Variants in GPR39 observed in about 807,000 individuals in gnomAD.
GPR39 encodes G protein-coupled receptor 39, also known as zinc sensing receptor.
In GPR39, 23 loss-of-function variants were observed where a neutral mutation model predicts 18.4. The ratio of observed to expected loss-of-function variants is 1.25; its 90% confidence interval spans 0.90 to 1.77. GPR39 has a LOEUF of 1.77. GPR39 is among the 40% of genes most tolerant of loss of function. The pLI is 0.00. For missense variants in GPR39, 647 were observed against 602.4 expected (o/e 1.07, Z -0.78); for synonymous variants, 280 against 257.9 (o/e 1.09, Z -0.82).
chr2:132,583,134 C>T (rs1573680682), intron 1 of GPR39, among the ~76,000 whole-genome samples: 1 of 151,868 alleles, frequency 6.6e-6, no homozygotes, highest in African/African-American at 2.4e-5. Context: ...GCTGGTCTCA[C>T]ACTCCTGACC....
intron 1 of GPR39, among the ~76,000 whole-genome samples, chr2:132,499,944 CTT>C (rs1241712673): frequency 1.3e-5 from 2 of 152,156 alleles, no homozygotes; most frequent in Non-Finnish European, 2.9e-5. Flanking sequence ...TATCCTGAAA[CTT>C]TGCTGAACTC....
intron 1 of GPR39, among the ~76,000 whole-genome samples, chr2:132,436,373 A>C (rs894813278): frequency 3.9e-5 from 6 of 152,216 alleles, no homozygotes; most frequent in African/African-American, 9.6e-5. Flanking sequence ...CTGTGAAGTA[A>C]ACAGTTGATT....
intron 1 of GPR39, among the ~76,000 whole-genome samples, chr2:132,572,487 G>T (rs1409545935): frequency 6.7e-6 from 1 of 149,992 alleles, no homozygotes; most frequent in Non-Finnish European, 1.5e-5. Context: ...CAGGTTAGTT[G>T]TTTCTCCTGA....
chr2:132,502,801 A>T (rs930728425), intron 1 of GPR39, among the ~76,000 whole-genome samples: 2 of 152,180 alleles, frequency 1.3e-5, no homozygotes, highest in African/African-American at 4.8e-5. Context: ...CATTGGGTTA[A>T]TTCAAAAGCC....
At chr2:132,451,707 T>A (rs12373595) in intron 1 of GPR39, among the ~76,000 whole-genome samples, 79,177 of 152,036 alleles carry the variant, frequency 0.52, 21,991 homozygotes, top group Non-Finnish European at 0.62. Flanking sequence ...TTAAATAAAT[T>A]TATTTACCAG....
intron 1 of GPR39, among the ~76,000 whole-genome samples, chr2:132,525,434 T>C (rs541087739): frequency 6.6e-6 from 1 of 152,342 alleles, no homozygotes; most frequent in South Asian, 2.1e-4. Context: ...CATTTATGTT[T>C]GCTAATGCTC....
At chr2:132,496,129 G>A (rs1681637738) in intron 1 of GPR39, among the ~76,000 whole-genome samples, 1 of 152,156 alleles carries the variant, frequency 6.6e-6, no homozygotes, top group Non-Finnish European at 1.5e-5. Context: ...TGGGCTGCAG[G>A]AGCAATATAA....
chr2:132,533,699 A>G (rs1223550573), intron 1 of GPR39, among the ~76,000 whole-genome samples: 1 of 152,210 alleles, frequency 6.6e-6, no homozygotes, highest in Non-Finnish European at 1.5e-5. Flanking sequence ...CTGCATATCT[A>G]CAACTATCTG....
intron 1 of GPR39, among the ~76,000 whole-genome samples, chr2:132,502,184 T>C (rs1679051137): frequency 6.6e-6 from 1 of 152,210 alleles, no homozygotes; most frequent in Admixed American, 6.5e-5. Flanking sequence ...GTGAGAATTA[T>C]GCTTTAAGAA....
At chr2:132,435,895 A>T (rs1189790087) in intron 1 of GPR39, among the ~76,000 whole-genome samples, 1 of 152,176 alleles carries the variant, frequency 6.6e-6, no homozygotes, top group East Asian at 1.9e-4. Flanking sequence ...AGATGCATGG[A>T]CATTTGCTTT....
intron 1 of GPR39, among the ~76,000 whole-genome samples, chr2:132,562,177 A>G (rs893728773): frequency 2.0e-5 from 3 of 151,998 alleles, no homozygotes; most frequent in Admixed American, 2.0e-4. Flanking sequence ...AAGGCTCTCC[A>G]TATGATTCCA....
At position 132,528,190 on chromosome 2, in the gene GPR39, C is replaced by G. The variant is rs894956133; in HGVS notation, c.856+110292C>G. 1.1e-4 allele frequency among the ~76,000 whole-genome samples: 17 copies of G among 152,246 alleles called. 1 individual carries two copies. The highest frequency in any genetic ancestry group is 7.8e-4 in the Admixed American group (12 of 15,300). ...AGTACCACTTATTAAATGGGGAATC[C>G]TTTCTCCATTGCTTGTTTTTGTCAG... On this transcript the variant is annotated intron_variant, in intron 1 of 1. Coordinates refer to ENST00000329321, the MANE Select transcript of GPR39 (RefSeq NM_001508.3).
intron 1 of GPR39, among the ~76,000 whole-genome samples, chr2:132,523,095 A>C (rs1202574289): frequency 1.3e-5 from 2 of 152,238 alleles, no homozygotes; most frequent in Non-Finnish European, 2.9e-5. Context: ...TGTAAAATGC[A>C]AATGTCTGTA....
intron 1 of GPR39, among the ~76,000 whole-genome samples, chr2:132,606,992 T>C (rs1242999584): frequency 3.3e-5 from 5 of 152,218 alleles, no homozygotes. Context: ...GATAGTTGGG[T>C]GTTATCTCAC....
At chr2:132,590,586 C>T (rs1464447089) in intron 1 of GPR39, among the ~76,000 whole-genome samples, 2 of 151,988 alleles carry the variant, frequency 1.3e-5, no homozygotes, top group African/African-American at 4.8e-5. Flanking sequence ...AGGGTAGGCA[C>T]TGAGTTTGGG....
In GPR39 at chr2:132,538,236, T is replaced by TTTG. The variant is rs917474278; in HGVS notation, c.857-106846_857-106844dup. On this transcript the variant is annotated intron_variant, in intron 1 of 1. Transcript: ENST00000329321. ...GACCTTTAGATGAGGTTTTTGTATTTTTGTTGTTGTTGTTGTTGTTGATGT... is the reference window on the plus strand; with the variant it reads ...GACCTTTAGATGAGGTTTTTGTATTTTTGTTGTTGTTGTTGTTGTTGTTGATGT... Among the ~76,000 whole-genome samples, 43 of 152,140 alleles carry TTTG rather than the reference T, an allele frequency of 2.8e-4. No homozygotes were observed. In the East Asian group the frequency reaches 3.3e-3, roughly 12 times the overall value.
chr2:132,618,920 C>G (rs1681385521), intron 1 of GPR39, among the ~76,000 whole-genome samples: 1 of 152,186 alleles, frequency 6.6e-6, no homozygotes, highest in African/African-American at 2.4e-5. Flanking sequence ...GGGCCTTGCC[C>G]TTTTGTGTTT....
intron 1 of GPR39, among the ~76,000 whole-genome samples, chr2:132,622,735 G>A (rs1456781968): frequency 6.6e-6 from 1 of 152,214 alleles, no homozygotes; most frequent in Non-Finnish European, 1.5e-5. Flanking sequence ...GAATACTTAA[G>A]TTAAAATAAG....
chr2:132,643,482 G>C (rs1681905482), intron 1 of GPR39, among the ~76,000 whole-genome samples: 1 of 152,202 alleles, frequency 6.6e-6, no homozygotes, highest in South Asian at 2.1e-4. Context: ...GCTCAATTCT[G>C]GATGTGTGAA....
Sources: gnomAD v4.1 joint callset for allele counts (sites outside exome capture counted in the v4.1 genomes callset) on GRCh38, gnomAD v4.1.1 for gene constraint, MANE v1.5 for transcripts, NCBI Gene and HGNC (gene_info 2026-07-23, HGNC 2026-07-21) for gene names.